NALCN: variants seen among roughly 807,000 people sequenced by gnomAD.
NALCN encodes the protein sodium leak channel, non-selective.
In NALCN, 111 loss-of-function variants were observed where a neutral mutation model predicts 225.3. That is an observed-to-expected ratio of 0.49 (90% CI 0.42 to 0.58). NALCN has a LOEUF of 0.58. Among genes scored for constraint, NALCN ranks in the 20% least tolerant of loss-of-function variants. NALCN has a pLI of 0.00. For synonymous variants in NALCN, 764 were observed against 769.0 expected, an observed-to-expected ratio of 0.99 and a Z score of 0.11; for missense variants, 1,378 against 2,202.4, an observed-to-expected ratio of 0.63 and a Z score of 7.49.
chr13:101,271,975 T>TGC (rs951721267), intron 10 of NALCN, among the ~76,000 whole-genome samples: 6 of 150,916 alleles, frequency 4.0e-5, no homozygotes, highest in African/African-American at 1.5e-4. Flanking sequence ...TAGATATGTG[T>TGC]GTGTGCCTGT....
intron 40 of NALCN, 125 bp from the exon 41 acceptor site, chr13:101,062,243 C>T (rs1365121119): frequency 1.4e-5 from 15 of 1,070,648 alleles, no homozygotes; most frequent in African/African-American, 3.2e-5. Context: ...CGCCACCCCT[C>T]GCCACCCGCA....
At chr13:101,343,184 G>T (rs1463322691) in intron 7 of NALCN, among the ~76,000 whole-genome samples, 1 of 152,068 alleles carries the variant, frequency 6.6e-6, no homozygotes, top group Admixed American at 6.6e-5. Flanking sequence ...ATAGTAGTTT[G>T]TGTATCTACA....
At chr13:101,341,972 AG>A (rs1165403309) in intron 7 of NALCN, among the ~76,000 whole-genome samples, 1 of 152,244 alleles carries the variant, frequency 6.6e-6, no homozygotes, top group Non-Finnish European at 1.5e-5. Flanking sequence ...TCTATGAACC[AG>A]GAAGTGAGCC....
At chr13:101,215,709 T>G (rs1300808640) in intron 13 of NALCN, among the ~76,000 whole-genome samples, 1 of 151,692 alleles carries the variant, frequency 6.6e-6, no homozygotes. Context: ...TTAATTTATT[T>G]ATTAATTTAT....
Position 101,348,970 on chromosome 13 carries a change from C to A in NALCN, c.645-3550G>T, listed in dbSNP as rs1594721440. Reference sequence around the variant, plus strand: ...GAATCTTCCAGAGTTTATTTTTATTCATTAACCTTAATTATTTCCGTAGTC... The same window carrying A: ...GAATCTTCCAGAGTTTATTTTTATTAATTAACCTTAATTATTTCCGTAGTC... On this transcript the variant is annotated intron_variant, in intron 6 of 43. Transcript: ENST00000251127. Among the ~76,000 whole-genome samples, 2 of 151,946 alleles carry A rather than the reference C, an allele frequency of 1.3e-5. 1 individual carries two copies. The highest frequency in any genetic ancestry group is 4.2e-4 in the South Asian group (2 of 4,806).
intron 7 of NALCN, among the ~76,000 whole-genome samples, chr13:101,329,268 T>C (rs1416527932): frequency 6.6e-6 from 1 of 152,244 alleles, no homozygotes; most frequent in Non-Finnish European, 1.5e-5. Flanking sequence ...TAGGTAATTC[T>C]GAATTAGGGT....
chr13:101,057,899 A>G (rs1168450010), intron 43 of NALCN, 40 bp downstream of exon 43: 1 of 1,511,174 alleles, frequency 6.6e-7, no homozygotes, highest in Admixed American at 1.7e-5. Context: ...AATACCTTTA[A>G]AATGCCTCGA....
intron 18 of NALCN, among the ~76,000 whole-genome samples, chr13:101,122,897 G>C (rs558214724): frequency 3.9e-5 from 6 of 152,310 alleles, no homozygotes; most frequent in Admixed American, 2.6e-4. Flanking sequence ...TAAATAATAA[G>C]GCACGGCCCC....
intron 16 of NALCN, 28 bp from the exon 17 acceptor site, chr13:101,143,249 G>A: frequency 6.4e-7 from 1 of 1,569,862 alleles, no homozygotes; most frequent in Non-Finnish European, 8.6e-7. Context: ...ATGTGCATCA[G>A]GCATTATTAG....
chr13:101,399,909 G>C (rs938633098), intron 1 of NALCN, among the ~76,000 whole-genome samples: 4 of 152,108 alleles, frequency 2.6e-5, no homozygotes, highest in African/African-American at 9.7e-5. Context: ...TCACTTGAAG[G>C]GGGGCTATTA....
intron 7 of NALCN, among the ~76,000 whole-genome samples, chr13:101,335,738 A>C (rs926560887): frequency 5.3e-5 from 8 of 151,868 alleles, no homozygotes; most frequent in African/African-American, 1.9e-4. Flanking sequence ...TATAAATCTC[A>C]ATTACATATT....
At chr13:101,285,935 A>G (rs569596403) in intron 9 of NALCN, among the ~76,000 whole-genome samples, 1 of 152,328 alleles carries the variant, frequency 6.6e-6, no homozygotes, top group East Asian at 1.9e-4. Context: ...CCTGGGGCAT[A>G]TATTGACTTT....
At chr13:101,190,663 G>C (rs1298958470) in intron 14 of NALCN, among the ~76,000 whole-genome samples, 3 of 152,136 alleles carry the variant, frequency 2.0e-5, no homozygotes, top group Non-Finnish European at 4.4e-5. Flanking sequence ...CTTTTTGGTG[G>C]ACATGTCTTA....
At chr13:101,079,846 C>T (rs1225736748) in intron 34 of NALCN, among the ~76,000 whole-genome samples, 1 of 152,242 alleles carries the variant, frequency 6.6e-6, no homozygotes, top group East Asian at 1.9e-4. Flanking sequence ...TTAAGAAGGA[C>T]GCTCACTATG....
At chr13:101,192,165 G>C (rs2039708023) in intron 13 of NALCN, 111 bp from the exon 14 acceptor site, 1 of 1,243,334 alleles carries the variant, frequency 8.0e-7, no homozygotes, top group Non-Finnish European at 1.1e-6. Context: ...ATTTTTATCT[G>C]ATCAGGGCAA....
At chr13:101,247,812 C>T (rs1355779294) in intron 11 of NALCN, among the ~76,000 whole-genome samples, 1 of 152,118 alleles carries the variant, frequency 6.6e-6, no homozygotes, top group East Asian at 1.9e-4. Context: ...CCTCCCCCCA[C>T]CTCCTGATAG....
chr13:101,129,108 G>A (rs184944363), intron 17 of NALCN, among the ~76,000 whole-genome samples: 39 of 152,170 alleles, frequency 2.6e-4, no homozygotes, highest in Admixed American at 7.8e-4. Context: ...ACTTCATTCC[G>A]TTTGCAAAAC....
At chr13:101,363,137 C>G (rs1342972326) in intron 6 of NALCN, among the ~76,000 whole-genome samples, 1 of 152,050 alleles carries the variant, frequency 6.6e-6, no homozygotes. Context: ...TTGGAAGAAT[C>G]AATATTGTTA....
intron 7 of NALCN, among the ~76,000 whole-genome samples, chr13:101,337,789 T>C (rs2045429963): frequency 6.6e-6 from 1 of 152,208 alleles, no homozygotes; most frequent in Non-Finnish European, 1.5e-5. Flanking sequence ...AGGTTACTCA[T>C]GGCTGGCTAC....
Sources: allele counts gnomAD v4.1 joint callset (sites outside exome capture counted in the v4.1 genomes callset), GRCh38; gene constraint gnomAD v4.1.1; transcripts MANE v1.5; gene names NCBI Gene and HGNC (gene_info 2026-07-23, HGNC 2026-07-21).